The following RPS6KC1 variants were observed in gnomAD, a reference collection of about 807,000 sequenced individuals.
The protein encoded by RPS6KC1 is inactive ribosomal protein S6 kinase delta-1.
A neutral mutation model predicts 103.8 loss-of-function variants in RPS6KC1; 54 were observed. That is an observed-to-expected ratio of 0.52 (90% CI 0.42 to 0.65). The LOEUF (loss-of-function observed/expected upper bound fraction) is 0.65. Among genes scored for constraint, RPS6KC1 ranks in the 30% least tolerant of loss-of-function variants. The pLI is 0.00. For synonymous variants in RPS6KC1, 439 were observed against 438.7 expected (o/e 1.00, Z -0.01); for missense variants, 1,151 against 1,253.8 (o/e 0.92, Z 1.24).
chr1:213,688,874 TC>T, the RPS6KC1 span, among the ~76,000 whole-genome samples: 1 of 152,220 alleles, frequency 6.6e-6, no homozygotes, highest in Admixed American at 6.5e-5. Flanking sequence ...GCCTTCCCAG[TC>T]TGTTAGTAGG....
the RPS6KC1 span, among the ~76,000 whole-genome samples, chr1:213,280,756 T>C: frequency 2.6e-5 from 4 of 152,182 alleles, no homozygotes; most frequent in Non-Finnish European, 4.4e-5. Context: ...GCCAAGATTA[T>C]TAGATGAGAT....
At chr1:213,319,843 A>T in the RPS6KC1 span, among the ~76,000 whole-genome samples, 7 of 152,190 alleles carry the variant, frequency 4.6e-5, no homozygotes, top group African/African-American at 1.7e-4. Context: ...CCTGATTGTT[A>T]TTGTAGTGCA....
the RPS6KC1 span, among the ~76,000 whole-genome samples, chr1:213,538,593 G>T: frequency 6.6e-6 from 1 of 152,132 alleles, no homozygotes; most frequent in African/African-American, 2.4e-5. Flanking sequence ...TGTTTAGATT[G>T]CTGTAAGGAT....
In RPS6KC1 at chr1:213,268,532, A is replaced by T. The variant is rs540761205; in HGVS notation, c.3091-3992A>T. ...TATGAGTTCATAGAAAAGACAAAAA[A>T]ATATATATTTTATTTATATATAATT... On this transcript the variant is annotated intron_variant, in intron 14 of 14. Transcript: ENST00000366960. Among the ~76,000 whole-genome samples the T allele has an allele frequency of 1.1e-4, 17 of 148,736 alleles. No homozygotes were observed. In the East Asian group the frequency reaches 2.1e-3, roughly 19 times the overall value.
At chr1:213,254,737 A>G (rs995244623) in intron 12 of RPS6KC1, among the ~76,000 whole-genome samples, 4 of 152,166 alleles carry the variant, frequency 2.6e-5, no homozygotes, top group Admixed American at 2.0e-4. Context: ...CTTTGATATC[A>G]CCATCTCTTT....
the RPS6KC1 span, among the ~76,000 whole-genome samples, chr1:213,711,054 T>C: frequency 6.6e-6 from 1 of 152,174 alleles, no homozygotes; most frequent in Non-Finnish European, 1.5e-5. Flanking sequence ...CGAATTTGAA[T>C]GTTGGCCTGT....
chr1:213,633,949 C>T, the RPS6KC1 span, among the ~76,000 whole-genome samples: 1 of 107,480 alleles, frequency 9.3e-6, no homozygotes, highest in East Asian at 3.1e-4. Flanking sequence ...ATAAAACAGA[C>T]TTTAAACCAA....
chr1:213,116,713 G>A (rs1294366031), intron 4 of RPS6KC1, among the ~76,000 whole-genome samples: 1 of 151,670 alleles, frequency 6.6e-6, no homozygotes, highest in East Asian at 1.9e-4. Flanking sequence ...TCCATGTTTA[G>A]CGCTTCCTTC....
the RPS6KC1 span, among the ~76,000 whole-genome samples, chr1:213,320,543 T>C: frequency 6.6e-6 from 1 of 152,266 alleles, no homozygotes; most frequent in Non-Finnish European, 1.5e-5. Flanking sequence ...TGTGCAAATC[T>C]ATTTTTACAC....
chr1:213,392,148 T>C, the RPS6KC1 span, among the ~76,000 whole-genome samples: 1 of 152,170 alleles, frequency 6.6e-6, no homozygotes, highest in Non-Finnish European at 1.5e-5. Flanking sequence ...ACCCATGATG[T>C]AGTTGGGAAT....
the RPS6KC1 span, among the ~76,000 whole-genome samples, chr1:213,466,199 T>C: frequency 6.6e-6 from 1 of 152,228 alleles, no homozygotes; most frequent in South Asian, 2.1e-4. Context: ...TATATAGTTA[T>C]ATTTTGTTTG....
the RPS6KC1 span, among the ~76,000 whole-genome samples, chr1:213,439,901 C>A: frequency 1.3e-5 from 2 of 151,500 alleles, no homozygotes; most frequent in Admixed American, 1.3e-4. Flanking sequence ...ATTAATGAGG[C>A]AAGTGATGCA....
At chr1:213,415,389 T>C in the RPS6KC1 span, among the ~76,000 whole-genome samples, 24 of 152,346 alleles carry the variant, frequency 1.6e-4, no homozygotes, top group African/African-American at 5.8e-4. Context: ...GGGTAAGTCT[T>C]CTTCTTTCCT....
chr1:213,797,248 G>C, the RPS6KC1 span, among the ~76,000 whole-genome samples: 1 of 152,180 alleles, frequency 6.6e-6, no homozygotes, highest in Non-Finnish European at 1.5e-5. Flanking sequence ...CTTATAATTT[G>C]AAGTAAACTG....
the RPS6KC1 span, among the ~76,000 whole-genome samples, chr1:213,772,063 T>A: frequency 1.4e-4 from 21 of 152,278 alleles, no homozygotes; most frequent in South Asian, 4.4e-3. Context: ...TATATTAGAG[T>A]GACACTTCTA....
chr1:213,780,335 C>A, the RPS6KC1 span, among the ~76,000 whole-genome samples: 2 of 152,178 alleles, frequency 1.3e-5, no homozygotes, highest in Non-Finnish European at 2.9e-5. Flanking sequence ...TGCCCAACTG[C>A]CCCTCTTCCT....
At chr1:213,370,749 G>T in the RPS6KC1 span, among the ~76,000 whole-genome samples, 1 of 152,298 alleles carries the variant, frequency 6.6e-6, no homozygotes, top group South Asian at 2.1e-4. Flanking sequence ...GAGCCAGGAT[G>T]TAAACTCAAG....
At chr1:213,657,741 T>C in the RPS6KC1 span, among the ~76,000 whole-genome samples, 3 of 152,114 alleles carry the variant, frequency 2.0e-5, no homozygotes, top group Non-Finnish European at 2.9e-5. Flanking sequence ...TGATAAGTGG[T>C]TGGTGCTATT....
At chr1:213,492,389 C>T in the RPS6KC1 span, 1 of 152,218 alleles carries the variant, frequency 6.6e-6, no homozygotes, top group Non-Finnish European at 1.5e-5. Flanking sequence ...CTTTGTTTAG[C>T]GTCCTTGACA....
Sources: gnomAD v4.1 joint callset for allele counts (sites outside exome capture counted in the v4.1 genomes callset) on GRCh38, gnomAD v4.1.1 for gene constraint, MANE v1.5 for transcripts, NCBI Gene and HGNC (gene_info 2026-07-23, HGNC 2026-07-21) for gene names.